The following PDGFRB variants were observed in gnomAD, a reference collection of about 807,000 sequenced individuals.
PDGFRB encodes the protein platelet derived growth factor receptor beta.
PDGFRB carries 42 observed loss-of-function variants against 120.2 expected under a neutral mutation model. The ratio of observed to expected loss-of-function variants is 0.35; its 90% CI spans 0.27 to 0.45. PDGFRB has a LOEUF of 0.45. PDGFRB is among the 20% of genes least tolerant of loss of function. The probability of loss-of-function intolerance (pLI) is 1.00; values close to 1 mark genes in which losing one functional copy is unlikely to be tolerated. For missense variants in PDGFRB, 1,149 were observed against 1,476.3 expected (o/e 0.78, Z 3.63); for synonymous variants, 586 against 606.8 (o/e 0.97, Z 0.50).
At chr5:150,134,653 G>T in intron 4 of PDGFRB, 97 bp downstream of exon 4, 1 of 1,091,462 alleles carries the variant, frequency 9.2e-7, no homozygotes, top group South Asian at 1.5e-5. Flanking sequence ...AATCCACTGG[G>T]AAGTGGAGTC....
At chr5:150,117,121 C>T (rs909058824) in intron 22 of PDGFRB, among the ~76,000 whole-genome samples, 1 of 152,222 alleles carries the variant, frequency 6.6e-6, no homozygotes, top group Non-Finnish European at 1.5e-5. Flanking sequence ...AAGAAAACCA[C>T]GAATCTCCTT....
In PDGFRB at chr5:150,135,710, G is replaced by C. The variant is rs746904891; in HGVS notation, c.209C>G (p.Pro70Arg). 7.4e-6 allele frequency: 12 copies of C among 1,614,150 alleles called. No individual in the cohort carries two copies. The highest frequency in any genetic ancestry group is 1.0e-5 in the Non-Finnish European group (12 of 1,179,994). Reference protein sequence around the residue: ...VVWERMSQEPPQEMAKAQDGT... With the variant: ...VVWERMSQEPRQEMAKAQDGT... ...ATCCTGGGCCTTGGCCATTTCCTGTGGGGGCTCCTGGGACATCCGTTCCCA... is the reference window on the plus strand; with the variant it reads ...ATCCTGGGCCTTGGCCATTTCCTGTCGGGGCTCCTGGGACATCCGTTCCCA... Residue 70 changes from proline to arginine, a missense_variant, in exon 3 of 23, where the codon CCA becomes CGA. Pro to Arg is a moderately radical substitution (Grantham distance 103). This residue lies in a region of PDGFRB where 879 missense variants were observed against 1,108.6 expected (regional missense o/e 0.79). Coordinates refer to ENST00000261799, the MANE Select transcript of PDGFRB (RefSeq NM_002609.4).
Position 150,130,627 on chromosome 5 carries a change from G to T in PDGFRB, c.1279C>A (p.Pro427Thr). ...VRVLELSESH[P>T]DSGEQTVRCR... is the part of the protein sequence containing the mutation. ...CGGACTGTCTGTTCCCCACTGTCAG[G>T]GTGGCTCTCACTTAGCTCCAGCACT... Residue 427 changes from proline (P) to threonine (T), a missense_variant, in exon 9 of 23, where the codon CCT becomes ACT. Physicochemically the swap from Pro to Thr is conservative, Grantham distance 38. This residue lies in a region of PDGFRB where 879 missense variants were observed against 1,108.6 expected (regional missense o/e 0.79). Coordinates refer to ENST00000261799, the MANE Select transcript of PDGFRB (RefSeq NM_002609.4). 1 of 1,612,744 alleles carries T rather than the reference G, an allele frequency of 6.2e-7. No homozygotes were observed.
chr5:150,123,708 A>G (rs1390519462), intron 14 of PDGFRB, among the ~76,000 whole-genome samples: 2 of 152,254 alleles, frequency 1.3e-5, no homozygotes, highest in Admixed American at 6.5e-5. Flanking sequence ...GAATAAGTCT[A>G]TGTACCCAAC....
Position 150,115,803 on chromosome 5 carries a change from C to G in PDGFRB, c.3281G>C (p.Cys1094Ser). Residue 1094 changes from cysteine (C) to serine (S), a missense_variant, in exon 23 of 23, where the codon TGC becomes TCC. Physicochemically the swap from Cys to Ser is moderately radical, Grantham distance 112. Coordinates refer to ENST00000261799, the MANE Select transcript of PDGFRB (RefSeq NM_002609.4). ...CTCTGCTTCCGCCCGAGGCGCAGGGCACCCCGAATCCGGCAACTGTTCCAG... is the reference window on the plus strand; with the variant it reads ...CTCTGCTTCCGCCCGAGGCGCAGGGGACCCCGAATCCGGCAACTGTTCCAG... ...PELEQLPDSG[C>S]PAPRAEAEDS... The G allele has an allele frequency of 6.2e-7, 1 of 1,612,030 alleles. No individual in the cohort carries two copies. The highest frequency in any genetic ancestry group is 8.5e-7 in the Non-Finnish European group (1 of 1,179,166).
chr5:150,117,896 C>T, intron 21 of PDGFRB, 46 bp from the exon 22 acceptor site: 1 of 1,100,848 alleles, frequency 9.1e-7, no homozygotes, highest in Non-Finnish European at 1.4e-6. Flanking sequence ...ATGGTCAGGC[C>T]AGAAATGCCT....
chr5:150,117,538 GCGCGCGCA>G (rs762182249), intron 22 of PDGFRB, 72 bp downstream of exon 22: 158 of 585,834 alleles, frequency 2.7e-4, no homozygotes, highest in African/African-American at 2.3e-3. Flanking sequence ...GCGCGCGCGC[GCGCGCGCA>G]CACACACACA....
chr5:150,124,596 G>A (rs1425385374), intron 13 of PDGFRB, 131 bp downstream of exon 13: 2 of 622,426 alleles, frequency 3.2e-6, no homozygotes, highest in Non-Finnish European at 5.8e-6. Flanking sequence ...CGGGAGCAGT[G>A]CCTGCTGCAG....
At chr5:150,124,408 T>G in intron 13 of PDGFRB, 48 bp from the exon 14 acceptor site, 5 of 1,342,990 alleles carry the variant, frequency 3.7e-6, no homozygotes, top group Non-Finnish European at 5.3e-6. Flanking sequence ...GGAGGCTCCA[T>G]GGAGGCCCCA....
chr5:150,120,550 T>C lies in PDGFRB; in HGVS notation c.2586+338A>G, dbSNP rs1375630499. Among the ~76,000 whole-genome samples, 1 of 152,198 alleles carries C rather than the reference T, an allele frequency of 6.6e-6. No individual in the cohort carries two copies. The highest frequency in any genetic ancestry group is 1.5e-5 in the Non-Finnish European group (1 of 68,030). On this transcript the variant is annotated intron_variant, in intron 18 of 22. Coordinates refer to ENST00000261799, the MANE Select transcript of PDGFRB (RefSeq NM_002609.4). The surrounding 1 kb of genome is among the most constrained non-coding windows in gnomAD (Gnocchi z 4.3). ...AACCAGACCAATCCCTGCTACTGCA[T>C]GTGACCTGCTCATCTTTCTTGCCCT...
intron 1 of PDGFRB, among the ~76,000 whole-genome samples, chr5:150,150,617 G>C (rs1761051286): frequency 7.1e-6 from 1 of 140,524 alleles, no homozygotes; most frequent in Non-Finnish European, 1.6e-5. Context: ...GATGTAGGGG[G>C]CGGGGGCAGG....
At position 150,117,544 on chromosome 5, in the gene PDGFRB, G is replaced by GCA. The variant is rs3836743; in HGVS notation, c.3137+72_3137+73dup. ...AACCTGGCAGCGCGCGCGCGCGCGC[G>GCA]CACACACACACACACACACACACAC... On this transcript the variant is annotated intron_variant, in intron 22 of 22. Coordinates refer to ENST00000261799, the MANE Select transcript of PDGFRB (RefSeq NM_002609.4). The GCA allele has an allele frequency of 0.074, 37,348 of 507,864 alleles. 525 individuals are homozygous for GCA. The highest frequency in any genetic ancestry group is 0.11 in the East Asian group (3,501 of 31,552). 31.5% of individuals were successfully genotyped at this position (507,864 alleles called of 1,614,324 possible).
At chr5:150,130,019 A>C in intron 9 of PDGFRB, 51 bp from the exon 10 acceptor site, 1 of 1,369,798 alleles carries the variant, frequency 7.3e-7, no homozygotes, top group South Asian at 1.2e-5. Flanking sequence ...CCTTGCAGAC[A>C]GGGAAACTGA....
chr5:150,150,335 C>T (rs910448341), intron 1 of PDGFRB, among the ~76,000 whole-genome samples: 13 of 152,174 alleles, frequency 8.5e-5, no homozygotes, highest in African/African-American at 2.9e-4. Flanking sequence ...TACAATAAAG[C>T]AGTTGGATCA....
chr5:150,135,651 G>T lies in PDGFRB; in HGVS notation c.268C>A (p.Leu90Ile), dbSNP rs765840983. 7.4e-6 allele frequency: 12 copies of T among 1,613,790 alleles called. No individual in the cohort carries two copies. The highest frequency in any genetic ancestry group is 1.0e-5 in the Non-Finnish European group (12 of 1,179,766). ...TATTCTCCCGTGTCTAGCCCAGTGA[G>T]GTTGGTCAGTGTGAGCACGCTGGAG... The part of the protein sequence containing the change: ...TFSSVLTLTN[L>I]TGLDTGEYFC... The change falls in exon 3 of 23, where the codon CTC becomes ATC. Residue 90 changes from leucine (L) to isoleucine (I), a missense_variant. By Grantham distance (5) the Leu-to-Ile change is conservative (BLOSUM62 2). Coordinates refer to ENST00000261799, the MANE Select transcript of PDGFRB (RefSeq NM_002609.4).
intron 1 of PDGFRB, among the ~76,000 whole-genome samples, chr5:150,142,914 C>T (rs1337074282): frequency 6.6e-6 from 1 of 152,052 alleles, no homozygotes; most frequent in Non-Finnish European, 1.5e-5. Flanking sequence ...ACGGTGCCTA[C>T]GTGATAAGAG....
chr5:150,145,468 T>C (rs748652879), intron 1 of PDGFRB, among the ~76,000 whole-genome samples: 3 of 152,232 alleles, frequency 2.0e-5, no homozygotes, highest in South Asian at 2.1e-4. Context: ...AAGCTCCTTA[T>C]ATGAATGATC....
chr5:150,131,677 C>T (rs1439647723), intron 8 of PDGFRB, among the ~76,000 whole-genome samples: 1 of 152,142 alleles, frequency 6.6e-6, no homozygotes, highest in East Asian at 1.9e-4. Flanking sequence ...TCAATAAATA[C>T]CTATCGAGTT....
Position 150,138,650 on chromosome 5 carries a change from C to T in PDGFRB, c.-6-1597G>A, listed in dbSNP as rs549413149. Among the ~76,000 whole-genome samples the T allele has an allele frequency of 8.5e-5, 13 of 152,350 alleles. No homozygotes were observed. In the East Asian group the frequency reaches 1.7e-3, roughly 20 times the overall value. ...CTGACTCAAAGCCCAGCCCTTCTGA[C>T]GCCCCCTCCAGCCTCTGCTCCCCAC... On this transcript the variant is annotated intron_variant, in intron 1 of 22. Coordinates refer to ENST00000261799, the MANE Select transcript of PDGFRB (RefSeq NM_002609.4).
Sources: allele counts gnomAD v4.1 joint callset (sites outside exome capture counted in the v4.1 genomes callset), GRCh38; gene constraint gnomAD v4.1.1; regional missense constraint gnomAD v4.1.1; non-coding constraint Gnocchi (gnomAD v3.1); transcripts MANE v1.5; gene names NCBI Gene and HGNC (gene_info 2026-07-23, HGNC 2026-07-21).